Variants in CYP2A7 observed in about 807,000 individuals in gnomAD.
CYP2A7 encodes the protein cytochrome P450 family 2 subfamily A member 7.
A neutral mutation model predicts 42.0 loss-of-function variants in CYP2A7; 36 were observed. That is an observed-to-expected ratio of 0.86 (90% confidence interval 0.66 to 1.13). The LOEUF (loss-of-function observed/expected upper bound fraction) is 1.13, where lower values mean the gene tolerates loss of function less well. Among genes scored for constraint, CYP2A7 ranks in the 50% most tolerant of loss-of-function variants. CYP2A7 has a pLI of 0.00. For missense variants in CYP2A7, 661 were observed against 634.1 expected (o/e 1.04, Z -0.46); for synonymous variants, 260 against 249.5 (o/e 1.04, Z -0.40).
Position 40,880,429 on chromosome 19 carries a change from T to C in CYP2A7, c.493+50A>G, listed in dbSNP as rs199733738. On this transcript the variant is annotated intron_variant, in intron 3 of 8. Transcript: ENST00000301146. The stretch of plus-strand genomic sequence containing the variant: ...AGGCAGAACGCGCGCGGGTTCCTCG[T>C]CCTGGGTGTTTTCCTTCTCCTGCCC... 42 of 1,596,950 alleles carry C rather than the reference T, an allele frequency of 2.6e-5. No homozygotes were observed. The African/African-American group carries it at 5.4e-4, about 20-fold the overall frequency.
intron 2 of CYP2A7, 61 bp from the exon 3 acceptor site, chr19:40,880,689 A>G: frequency 6.4e-7 from 1 of 1,551,752 alleles, no homozygotes; most frequent in Non-Finnish European, 8.7e-7. Flanking sequence ...GGAGCGGACC[A>G]GTTCCAAGGG....
At chr19:40,877,115 T>C in intron 7 of CYP2A7, 75 bp downstream of exon 7, 5 of 1,540,090 alleles carry the variant, frequency 3.2e-6, no homozygotes, top group African/African-American at 1.4e-5. Flanking sequence ...AGAAAGCTTC[T>C]AATGGGGGCA....
chr19:40,877,078 A>G, intron 7 of CYP2A7, 112 bp downstream of exon 7: 1 of 1,252,330 alleles, frequency 8.0e-7, no homozygotes, highest in Non-Finnish European at 1.1e-6. Flanking sequence ...GTCCTTTTTG[A>G]CTGATTGAGG....
intron 5 of CYP2A7, 85 bp downstream of exon 5, chr19:40,878,675 G>C: frequency 1.3e-6 from 2 of 1,557,158 alleles, no homozygotes; most frequent in Non-Finnish European, 1.8e-6. Context: ...ATTTGAACGG[G>C]TCTGTGTCGT....
chr19:40,878,340 G>T (rs1459798432), intron 5 of CYP2A7, among the ~76,000 whole-genome samples: 1 of 151,668 alleles, frequency 6.6e-6, no homozygotes, highest in East Asian at 1.9e-4. Context: ...TGAGTAGCTG[G>T]AACTGCACAC....
intron 4 of CYP2A7, among the ~76,000 whole-genome samples, chr19:40,879,210 G>A (rs12981337): frequency 0.092 from 13,989 of 151,632 alleles, 1,043 homozygotes; most frequent in African/African-American, 0.18. Context: ...CACACATCTA[G>A]GTGTTCAGAT....
intron 2 of CYP2A7, among the ~76,000 whole-genome samples, chr19:40,881,284 G>A (rs899124307): frequency 1.7e-4 from 26 of 151,402 alleles, no homozygotes; most frequent in Admixed American, 9.2e-4. Flanking sequence ...GAAGACAGAG[G>A]ACCAGGGCTG....
chr19:40,876,602 C>T lies in CYP2A7; in HGVS notation c.1228G>A (p.Asp410Asn), dbSNP rs767764990. 1.9e-6 allele frequency: 3 copies of T among 1,613,018 alleles called. No homozygotes were observed. In the South Asian group the frequency reaches 3.3e-5, roughly 18 times the overall value. Residue 410 changes from aspartate (D) to asparagine (N), a missense_variant, in exon 8 of 9, where the codon GAC (aspartate) becomes AAC (asparagine). By Grantham distance (23) the Asp-to-Asn change is conservative. Around this residue, in one of 3 missense-constraint regions of CYP2A7, gnomAD observed 614 missense variants for 552.4 expected, o/e 1.11. Transcript: ENST00000301146. ...TCCAGGAAATGCTGGGGATTGAAGT[C>T]CTGAGGGTTGGAGAAGAAGCTGGGG... ...RDPSFFSNPQ[D>N]FNPQHFLDDK...
chr19:40,877,192 T>C lies in CYP2A7; in HGVS notation c.1159A>G (p.Lys387Glu). 6.2e-7 allele frequency: 1 copy of C among 1,612,452 alleles called. No individual in the cohort carries two copies. The highest frequency in any genetic ancestry group is 1.1e-5 in the South Asian group (1 of 91,004). Residue 387 changes from lysine (K) to glutamate (E), a missense_variant and splice_region_variant, in exon 7 of 9, where the codon AAG (lysine) becomes GAG (glutamate). By Grantham distance (56) the Lys-to-Glu change is moderately conservative (BLOSUM62 1). Coordinates refer to ENST00000301146, the MANE Select transcript of CYP2A7 (RefSeq NM_000764.3). ...DTKFRDFFLP[K>E]GTEVFPMLGS... is the part of the protein sequence containing the mutation. Reference sequence around the variant, plus strand: ...CTAGGGGGTGGGGAGGATAGCACCTTAGGGAGGAAAAAATCCCGAAACTTG... The same window carrying C: ...CTAGGGGGTGGGGAGGATAGCACCTCAGGGAGGAAAAAATCCCGAAACTTG...
rs1967670003 is a variant in CYP2A7 at position 40,881,013 on chromosome 19, G to A, written c.344-385C>T. ...ATGGAGGAAGAGGATGGAGGGAGGG[G>A]AAGTGAGATATGGGGAGATCTGGGA... On this transcript the variant is annotated intron_variant, in intron 2 of 8. Coordinates refer to ENST00000301146, the MANE Select transcript of CYP2A7 (RefSeq NM_000764.3). Among the ~76,000 whole-genome samples, 3 of 150,652 alleles carry A rather than the reference G, an allele frequency of 2.0e-5. No homozygotes were observed. The South Asian group carries it at 6.3e-4, about 32-fold the overall frequency.
intron 4 of CYP2A7, among the ~76,000 whole-genome samples, chr19:40,879,187 G>T (rs1469992888): frequency 6.6e-6 from 1 of 151,826 alleles, no homozygotes; most frequent in Non-Finnish European, 1.5e-5. Context: ...ATGCAAATGA[G>T]GCTGGATTGG....
intron 5 of CYP2A7, 38 bp from the exon 6 acceptor site, chr19:40,878,031 CT>C (rs772299154): frequency 6.3e-7 from 1 of 1,593,548 alleles, no homozygotes; most frequent in South Asian, 1.1e-5. Flanking sequence ...CCTCACTCCT[CT>C]TGCCCTCAGG....
intron 8 of CYP2A7, 35 bp from the exon 9 acceptor site, chr19:40,875,909 C>T (rs748341251): frequency 1.3e-6 from 2 of 1,494,752 alleles, no homozygotes; most frequent in Admixed American, 2.2e-5. Flanking sequence ...GGAGGTGAAG[C>T]CCACTCTCAG....
At position 40,878,109 on chromosome 19, in the gene CYP2A7, C is replaced by T. The variant is rs1435286435; in HGVS notation, c.832-116G>A. The T allele has an allele frequency of 3.5e-5, 41 of 1,172,112 alleles. 1 individual carries two copies. The highest frequency in any genetic ancestry group is 4.1e-5 in the Non-Finnish European group (35 of 845,024). 72.6% of individuals were successfully genotyped at this position (1,172,112 alleles called of 1,614,324 possible). On this transcript the variant is annotated intron_variant, in intron 5 of 8. Coordinates refer to ENST00000301146, the MANE Select transcript of CYP2A7 (RefSeq NM_000764.3). The stretch of plus-strand genomic sequence containing the variant: ...CCAGACCAAAGGTGGAAAGAGGGAC[C>T]CTAGATCTACCAGACTCGCTCTAGG...
Position 40,881,605 on chromosome 19 carries a change from C to A in CYP2A7, c.327G>T (p.Trp109Cys). 1 of 1,612,062 alleles carries A rather than the reference C, an allele frequency of 6.2e-7. No individual in the cohort carries two copies. Among genetic ancestry groups the A allele is most frequent in the Non-Finnish European group, 8.5e-7 (1 of 1,179,600 alleles). ...SGRGEQATFD[W>C]VFKGYGVAFS... ...CCCCCTCACCATAGCCTTTGAAGAC[C>A]CAGTCGAAGGTGGCTTGCTCGCCTC... The change falls in exon 2 of 9, where the codon TGG becomes TGT. Residue 109 changes from tryptophan (W) to cysteine (C), a missense_variant. Transcript: ENST00000301146.
Position 40,882,120 on chromosome 19 carries a change from C to G in CYP2A7, c.91G>C (p.Gly31Arg). ...MSVWQQRKSR[G>R]KLPPGPTPLP... Reference sequence around the variant, plus strand: ...GGGGTGGGTCCCGGAGGCAGCTTCCCCCTGCTCTTCCTCTGCTGCCAGACA... The same window carrying G: ...GGGGTGGGTCCCGGAGGCAGCTTCCGCCTGCTCTTCCTCTGCTGCCAGACA... The change falls in exon 1 of 9, where the codon GGG becomes CGG. Residue 31 changes from glycine to arginine, a missense_variant. Around this residue, in one of 3 missense-constraint regions of CYP2A7, gnomAD observed 614 missense variants for 552.4 expected, o/e 1.11. Coordinates refer to ENST00000301146, the MANE Select transcript of CYP2A7 (RefSeq NM_000764.3). The G allele has an allele frequency of 6.2e-7, 1 of 1,613,924 alleles. No individual in the cohort carries two copies. Among genetic ancestry groups the G allele is most frequent in the South Asian group, 1.1e-5 (1 of 91,068 alleles).
chr19:40,881,785 C>T (rs747960942), intron 1 of CYP2A7, 34 bp from the exon 2 acceptor site: 37 of 1,600,402 alleles, frequency 2.3e-5, no homozygotes, highest in Non-Finnish European at 3.2e-5. Flanking sequence ...TTAGAGGGAG[C>T]AGCCCCCACT....
chr19:40,876,352 T>A, intron 8 of CYP2A7, 175 bp downstream of exon 8: 1 of 1,035,968 alleles, frequency 9.7e-7, no homozygotes, highest in Non-Finnish European at 1.5e-6. Flanking sequence ...TTTACCTGGG[T>A]GCAGGTACTG....
chr19:40,879,764 A>G (rs1473867979), intron 4 of CYP2A7, among the ~76,000 whole-genome samples: 4 of 151,274 alleles, frequency 2.6e-5, no homozygotes, highest in Admixed American at 2.6e-4. Context: ...CCAGGTGTTA[A>G]AATATTCAGA....
Sources: gnomAD v4.1 joint callset for allele counts (sites outside exome capture counted in the v4.1 genomes callset) on GRCh38, gnomAD v4.1.1 for gene constraint, gnomAD v4.1.1 regional missense constraint, MANE v1.5 for transcripts, NCBI Gene and HGNC (gene_info 2026-07-23, HGNC 2026-07-21) for gene names.